Variants in FBLN2 observed in about 807,000 individuals in gnomAD.
The protein encoded by FBLN2 is fibulin 2.
A neutral mutation model predicts 123.7 loss-of-function variants in FBLN2; 81 were observed. The observed-to-expected ratio is 0.65, with a 90% CI of 0.55 to 0.79. The LOEUF (loss-of-function observed/expected upper bound fraction) is 0.79. Among genes scored for constraint, FBLN2 ranks in the 30% least tolerant of loss-of-function variants. The probability of loss-of-function intolerance (pLI) is 0.00; values close to 1 mark genes in which losing one functional copy is unlikely to be tolerated. For missense variants in FBLN2, 1,603 were observed against 1,681.3 expected, an observed-to-expected ratio of 0.95 and a Z score of 0.81; for synonymous variants, 699 against 701.4, an observed-to-expected ratio of 1.00 and a Z score of 0.05.
chr3:13,631,385 G>C lies in FBLN2; in HGVS notation c.3142G>C (p.Val1048Leu), dbSNP rs368216614. Residue 1048 changes from valine to leucine, a missense_variant, in exon 16 of 18, where the codon GTG becomes CTG. By Grantham distance (32) the Val-to-Leu change is conservative. Transcript: ENST00000404922. ...CCTCTGCACCTTCCGCTGTCTCAAC[G>C]TGCCAGGGAGCTACCAGTGTGCATG... ...GILCTFRCLN[V>L]PGSYQCACPE... 2 of 1,602,066 alleles carry C rather than the reference G, an allele frequency of 1.2e-6. No homozygotes were observed. The highest frequency in any genetic ancestry group is 1.7e-6 in the Non-Finnish European group (2 of 1,174,702).
intron 1 of FBLN2, among the ~76,000 whole-genome samples, chr3:13,557,271 A>C (rs1703488320): frequency 6.6e-6 from 1 of 152,216 alleles, no homozygotes; most frequent in Admixed American, 6.5e-5. Context: ...GGAGGGGTCT[A>C]GTCTACTGCA....
intron 4 of FBLN2, 32 bp downstream of exon 4, chr3:13,609,674 TG>T: frequency 3.2e-5 from 2 of 62,584 alleles, no homozygotes; most frequent in Non-Finnish European, 5.6e-5. Context: ...CAAGGCAGGG[TG>T]GGGTGGGGCG....
At chr3:13,636,643 A>G (rs1264444685) in intron 17 of FBLN2, 75 bp downstream of exon 17, 3 of 1,524,698 alleles carry the variant, frequency 2.0e-6, no homozygotes, top group African/African-American at 1.4e-5. Context: ...AGGCTGAGAG[A>G]TGGGCGCCTG....
At chr3:13,633,439 C>G (rs949359506) in intron 16 of FBLN2, among the ~76,000 whole-genome samples, 22 of 152,284 alleles carry the variant, frequency 1.4e-4, no homozygotes, top group Admixed American at 6.5e-4. Flanking sequence ...CGCTTGCTCT[C>G]CAGACCTTCC....
intron 9 of FBLN2, among the ~76,000 whole-genome samples, chr3:13,623,197 TC>T (rs1389711282): frequency 1.3e-5 from 2 of 152,218 alleles, no homozygotes; most frequent in Non-Finnish European, 2.9e-5. Context: ...GGCCAGCTCT[TC>T]CTGTCTGGGT....
intron 2 of FBLN2, among the ~76,000 whole-genome samples, chr3:13,585,196 T>C (rs971334593): frequency 6.6e-6 from 1 of 152,144 alleles, no homozygotes; most frequent in East Asian, 1.9e-4. Flanking sequence ...GCTTTGTGCC[T>C]CACACCCCCC....
At position 13,571,010 on chromosome 3, in the gene FBLN2, G is replaced by A. The variant is rs762085540; in HGVS notation, c.655G>A (p.Gly219Ser). 3.8e-6 allele frequency: 6 copies of A among 1,597,430 alleles called. No individual in the cohort carries two copies. The highest frequency in any genetic ancestry group is 2.3e-5 in the South Asian group (2 of 88,810). ...ATALGGEVQA[G>S]AVQAGAGGPP... is the part of the protein sequence containing the mutation. The stretch of plus-strand genomic sequence containing the variant: ...AGCCCTGGGGGGTGAGGTCCAGGCG[G>A]GTGCAGTCCAGGCAGGCGCAGGGGG... The change falls in exon 2 of 18, where the codon GGT (glycine) becomes AGT (serine). Residue 219 changes from glycine (G) to serine (S), a missense_variant. By Grantham distance (56) the Gly-to-Ser change is moderately conservative. Transcript: ENST00000404922.
At position 13,549,189 on chromosome 3, in the gene FBLN2, G is replaced by T. The variant is rs1703256568; in HGVS notation, c.-61G>T. On this transcript the variant is annotated 5_prime_UTR_variant, in exon 1 of 18. Coordinates refer to ENST00000404922, the MANE Select transcript of FBLN2 (RefSeq NM_001004019.2). ...CGGCCGGGCGGACGGACGGACGGAC[G>T]CCGAGCGCAGTGCCCCGCGGTGAGT... 1 of 983,206 alleles carries T rather than the reference G, an allele frequency of 1.0e-6. No homozygotes were observed. The allele number at this position is 983,206 out of a possible 1,614,324, so 60.9% of individuals were successfully genotyped here.
At chr3:13,600,547 G>T (rs1031120819) in intron 2 of FBLN2, among the ~76,000 whole-genome samples, 15 of 151,992 alleles carry the variant, frequency 9.9e-5, no homozygotes, top group Non-Finnish European at 1.9e-4. Flanking sequence ...ACATGGGGAC[G>T]CTCAGGCCTG....
Position 13,596,921 on chromosome 3 carries a change from A to T in FBLN2, c.1307-11141A>T, listed in dbSNP as rs185402318. Among the ~76,000 whole-genome samples, 181 of 148,418 alleles carry T rather than the reference A, an allele frequency of 1.2e-3. 5 individuals are homozygous for T. The East Asian group carries it at 0.034, about 28-fold the overall frequency. Reference sequence around the variant, plus strand: ...ATTTATTATTTAAATTTAAAAAATAAATTTGTTTATTTATTTATTTATTTA... The same window carrying T: ...ATTTATTATTTAAATTTAAAAAATATATTTGTTTATTTATTTATTTATTTA... On this transcript the variant is annotated intron_variant, in intron 2 of 17. Coordinates refer to ENST00000404922, the MANE Select transcript of FBLN2 (RefSeq NM_001004019.2).
chr3:13,584,637 C>T (rs544954732), intron 2 of FBLN2, among the ~76,000 whole-genome samples: 3 of 152,324 alleles, frequency 2.0e-5, no homozygotes, highest in Admixed American at 6.5e-5. Context: ...CCCAGGATGC[C>T]ACCCTCCAGG....
At chr3:13,601,950 A>G (rs933491408) in intron 2 of FBLN2, among the ~76,000 whole-genome samples, 1 of 152,136 alleles carries the variant, frequency 6.6e-6, no homozygotes, top group Non-Finnish European at 1.5e-5. Flanking sequence ...GGCATGTACC[A>G]CCATGCCTGG....
At chr3:13,628,791 A>G in intron 11 of FBLN2, 114 bp from the exon 12 acceptor site, 1 of 1,264,086 alleles carries the variant, frequency 7.9e-7, no homozygotes, top group South Asian at 1.5e-5. Flanking sequence ...TGCAACTCTG[A>G]CCAGGGCAGG....
At chr3:13,608,708 TC>T (rs1178131852) in intron 3 of FBLN2, among the ~76,000 whole-genome samples, 1 of 152,176 alleles carries the variant, frequency 6.6e-6, no homozygotes, top group Non-Finnish European at 1.5e-5. Context: ...GAGCTCTTGG[TC>T]AGCTGCTCAT....
intron 2 of FBLN2, among the ~76,000 whole-genome samples, chr3:13,598,195 G>A (rs947986561): frequency 6.6e-6 from 1 of 152,238 alleles, no homozygotes; most frequent in African/African-American, 2.4e-5. Context: ...AACTTGGAAA[G>A]TAGTCACCAA....
intron 6 of FBLN2, among the ~76,000 whole-genome samples, chr3:13,618,701 T>C (rs55775477): frequency 0.17 from 25,158 of 152,086 alleles, 2,432 homozygotes; most frequent in East Asian, 0.33. Context: ...CCTTTCCTTC[T>C]ACCCCCTCTG....
chr3:13,553,255 A>C (rs1703373145), intron 1 of FBLN2, among the ~76,000 whole-genome samples: 1 of 152,146 alleles, frequency 6.6e-6, no homozygotes, highest in African/African-American at 2.4e-5. Flanking sequence ...CGAGCAGAGG[A>C]GGCGCGGCCA....
chr3:13,601,858 C>T (rs1215980672), intron 2 of FBLN2, among the ~76,000 whole-genome samples: 3 of 152,210 alleles, frequency 2.0e-5, no homozygotes, highest in Non-Finnish European at 2.9e-5. Context: ...AGTGCAGTGG[C>T]ACAAGCATGG....
rs1268660440 is a variant in FBLN2, at chr3:13,570,840, G to A, written c.485G>A (p.Cys162Tyr). Residue 162 changes from cysteine (C) to tyrosine (Y), a missense_variant, in exon 2 of 18, where the codon TGC (cysteine) becomes TAC (tyrosine). Transcript: ENST00000404922. Reference protein sequence around the residue: ...VHLPPCRACHCPDAGGELICY... With the variant: ...VHLPPCRACHYPDAGGELICY... ...CTGCCGCCCTGCCGGGCCTGCCACTGCCCTGACGCCGGTGGAGAGCTCATC... is the reference window on the plus strand; with the variant it reads ...CTGCCGCCCTGCCGGGCCTGCCACTACCCTGACGCCGGTGGAGAGCTCATC... 1.2e-6 allele frequency: 2 copies of A among 1,608,398 alleles called. No individual in the cohort carries two copies. The highest frequency in any genetic ancestry group is 2.2e-5 in the East Asian group (1 of 44,608).
Sources: allele counts gnomAD v4.1 joint callset (sites outside exome capture counted in the v4.1 genomes callset), GRCh38; gene constraint gnomAD v4.1.1; transcripts MANE v1.5; gene names NCBI Gene and HGNC (gene_info 2026-07-23, HGNC 2026-07-21).